Variants in SASH1 observed in about 807,000 individuals in gnomAD.
The protein encoded by SASH1 is SAM and SH3 domain-containing protein 1.
In SASH1, 44 loss-of-function variants were observed where a neutral mutation model predicts 125.2. That is an observed-to-expected ratio of 0.35 (90% CI 0.28 to 0.45). The LOEUF is 0.45. Among genes scored for constraint, SASH1 ranks in the 20% least tolerant of loss-of-function variants. The probability of loss-of-function intolerance (pLI) is 1.00; values close to 1 mark genes in which losing one functional copy is unlikely to be tolerated. For synonymous variants in SASH1, 639 were observed against 649.1 expected (o/e 0.98, Z 0.24); for missense variants, 1,426 against 1,614.5 (o/e 0.88, Z 2.00).
chr6:148,199,082 T>C, the SASH1 span, among the ~76,000 whole-genome samples: 1 of 152,168 alleles, frequency 6.6e-6, no homozygotes, highest in East Asian at 1.9e-4. Flanking sequence ...AGTACGGGGA[T>C]GAGAACTGAG....
intron 4 of SASH1, among the ~76,000 whole-genome samples, chr6:148,446,113 TTTTTTTTTTTTTTG>T (rs1342168905): frequency 2.5e-5 from 1 of 40,394 alleles, no homozygotes; most frequent in African/African-American, 1.0e-4. Flanking sequence ...TTTTTTTTTT[TTTTTTTTTTTTTTG>T]AGACGGAGCC....
intron 4 of SASH1, among the ~76,000 whole-genome samples, chr6:148,464,453 G>C (rs538382538): frequency 5.6e-4 from 85 of 152,316 alleles, no homozygotes; most frequent in African/African-American, 2.0e-3. Flanking sequence ...CCAAAGAGCA[G>C]ATCCAGCTCC....
intron 1 of SASH1, among the ~76,000 whole-genome samples, chr6:148,378,074 G>A (rs999634217): frequency 6.1e-5 from 9 of 147,092 alleles, no homozygotes; most frequent in East Asian, 2.0e-4. Flanking sequence ...TTTTTTTGAC[G>A]GAGTTTTGCT....
At chr6:148,490,989 A>G (rs116558748) in intron 8 of SASH1, among the ~76,000 whole-genome samples, 3,127 of 152,306 alleles carry the variant, frequency 0.021, 117 homozygotes, top group African/African-American at 0.072. Flanking sequence ...CCTGGTAAAA[A>G]TCTGAGTTTT....
At chr6:148,439,498 G>A (rs1030966099) in intron 2 of SASH1, among the ~76,000 whole-genome samples, 1 of 152,180 alleles carries the variant, frequency 6.6e-6, no homozygotes, top group African/African-American at 2.4e-5. Flanking sequence ...TTGGATTGGG[G>A]CTGGGCGCGG....
At chr6:148,218,931 G>A in the SASH1 span, among the ~76,000 whole-genome samples, 1 of 152,194 alleles carries the variant, frequency 6.6e-6, no homozygotes, top group African/African-American at 2.4e-5. Context: ...TCCAAAATGA[G>A]CATAACTTAG....
At chr6:148,313,300 T>G (rs975363356) in intron 1 of SASH1, among the ~76,000 whole-genome samples, 1 of 152,208 alleles carries the variant, frequency 6.6e-6, no homozygotes, top group Non-Finnish European at 1.5e-5. Context: ...ATTCATTAAG[T>G]GCAAATCCTC....
chr6:148,480,992 T>C (rs1225458840), intron 7 of SASH1, among the ~76,000 whole-genome samples: 1 of 114,312 alleles, frequency 8.7e-6, no homozygotes, highest in Non-Finnish European at 2.2e-5. Flanking sequence ...ACACATATGC[T>C]TTAAGGAAGT....
rs143565113 is a variant in SASH1, at chr6:148,429,438, A to G, written c.286-10746A>G. 9.6e-4 allele frequency among the ~76,000 whole-genome samples: 141 copies of G among 147,186 alleles called. No homozygotes were observed. The East Asian group carries it at 0.014, about 15-fold the overall frequency. ...GAGGAAGGAAAAAAGAGTCAGGCTT[A>G]TTGGCAAAGTGATCCAATTTAAACA... On this transcript the variant is annotated intron_variant, in intron 2 of 19. Transcript: ENST00000367467.
chr6:148,281,279 A>G (rs1196438943), intron 1 of SASH1, among the ~76,000 whole-genome samples: 1 of 151,948 alleles, frequency 6.6e-6, no homozygotes, highest in Non-Finnish European at 1.5e-5. Context: ...TTCAACAGGA[A>G]CACCAGCATC....
intron 6 of SASH1, among the ~76,000 whole-genome samples, chr6:148,471,947 G>A (rs1331815199): frequency 6.6e-6 from 1 of 152,206 alleles, no homozygotes; most frequent in Non-Finnish European, 1.5e-5. Flanking sequence ...GTTATGGGGT[G>A]TTGCCCCTGG....
chr6:148,375,184 G>T (rs896939784), intron 1 of SASH1, among the ~76,000 whole-genome samples: 2 of 151,484 alleles, frequency 1.3e-5, no homozygotes, highest in Admixed American at 1.3e-4. Flanking sequence ...TAGAGATAGG[G>T]TTTCACCATG....
At chr6:148,391,156 C>A (rs2114831427) in intron 2 of SASH1, among the ~76,000 whole-genome samples, 1 of 151,182 alleles carries the variant, frequency 6.6e-6, no homozygotes, top group East Asian at 2.0e-4. Context: ...GTCCCCCAGG[C>A]TGGAGTGCAG....
At chr6:148,230,951 A>G in the SASH1 span, among the ~76,000 whole-genome samples, 1 of 152,140 alleles carries the variant, frequency 6.6e-6, no homozygotes, top group Non-Finnish European at 1.5e-5. Flanking sequence ...TCTATTTTGT[A>G]CTGTTTGCTA....
At chr6:148,497,148 C>T (rs562093008) in intron 8 of SASH1, among the ~76,000 whole-genome samples, 3 of 152,214 alleles carry the variant, frequency 2.0e-5, no homozygotes, top group Admixed American at 6.5e-5. Flanking sequence ...CTTTAATCTA[C>T]AGCTTAGGGT....
intron 1 of SASH1, among the ~76,000 whole-genome samples, chr6:148,311,118 T>G: frequency 6.6e-6 from 1 of 151,280 alleles, no homozygotes. Context: ...TTCTTTTTTT[T>G]CCCCCCAAGA....
At chr6:148,494,422 G>A (rs1624157) in intron 8 of SASH1, among the ~76,000 whole-genome samples, 7,259 of 152,200 alleles carry the variant, frequency 0.048, 205 homozygotes, top group Non-Finnish European at 0.056. Context: ...GGGAAATGTT[G>A]TTTTGAGTGA....
At chr6:148,362,398 C>T (rs1048069786) in intron 1 of SASH1, among the ~76,000 whole-genome samples, 1 of 152,044 alleles carries the variant, frequency 6.6e-6, no homozygotes, top group Non-Finnish European at 1.5e-5. Flanking sequence ...AAATGTCCAG[C>T]ATTTCTTACT....
At chr6:148,316,846 A>G (rs1780491544) in intron 1 of SASH1, among the ~76,000 whole-genome samples, 1 of 152,200 alleles carries the variant, frequency 6.6e-6, no homozygotes, top group Non-Finnish European at 1.5e-5. Context: ...GAATTATGAG[A>G]AAAGGTGTGT....
Sources: allele counts gnomAD v4.1 joint callset (sites outside exome capture counted in the v4.1 genomes callset), GRCh38; gene constraint gnomAD v4.1.1; transcripts MANE v1.5; gene names NCBI Gene and HGNC (gene_info 2026-07-23, HGNC 2026-07-21).